The following LRP1B variants were observed in gnomAD, a reference collection of about 807,000 sequenced individuals.
LRP1B encodes the protein low-density lipoprotein receptor-related protein 1B.
Under a neutral mutation model 556.6 loss-of-function variants are expected in LRP1B, and 217 were observed. The observed-to-expected ratio is 0.39, with a 90% CI of 0.35 to 0.44. LRP1B has a LOEUF of 0.44. Ranked by LOEUF, LRP1B falls within the 20% of genes least tolerant of loss-of-function variation. The pLI is 1.00. For synonymous variants in LRP1B, 2,047 were observed against 1,865.8 expected (o/e 1.10, Z -2.50); for missense variants, 5,053 against 5,620.8 (o/e 0.90, Z 3.23).
At position 141,894,344 on chromosome 2, in the gene LRP1B, C is replaced by T. The variant is rs78002843; in HGVS notation, c.83-83943G>A. Among the ~76,000 whole-genome samples, 420 of 151,816 alleles carry T rather than the reference C, an allele frequency of 2.8e-3. 1 individual carries two copies. The highest frequency in any genetic ancestry group is 9.4e-3 in the African/African-American group (389 of 41,442). ...AAAAATTTTCCCTCCCTCCCTCCTTCCCTCCCTTTCTTCCTGCCTGCCCTA... is the reference window on the plus strand; with the variant it reads ...AAAAATTTTCCCTCCCTCCCTCCTTTCCTCCCTTTCTTCCTGCCTGCCCTA... On this transcript the variant is annotated intron_variant, in intron 1 of 90. Coordinates refer to ENST00000389484, the MANE Select transcript of LRP1B (RefSeq NM_018557.3).
At chr2:140,697,413 T>C (rs1686469745) in intron 41 of LRP1B, among the ~76,000 whole-genome samples, 1 of 151,900 alleles carries the variant, frequency 6.6e-6, no homozygotes, top group Non-Finnish European at 1.5e-5. Flanking sequence ...TATATGAATA[T>C]ATATATACAT....
intron 77 of LRP1B, among the ~76,000 whole-genome samples, chr2:140,342,310 A>G (rs940337762): frequency 6.6e-6 from 1 of 151,360 alleles, no homozygotes; most frequent in Non-Finnish European, 1.5e-5. Flanking sequence ...CTATGGTTAT[A>G]AAAATATTTA....
At chr2:140,779,210 A>G (rs13030528) in intron 32 of LRP1B, among the ~76,000 whole-genome samples, 49,809 of 151,844 alleles carry the variant, frequency 0.33, 8,199 homozygotes, top group African/African-American at 0.36. Context: ...CTTAAAAAAA[A>G]TCTTTTTTAA....
chr2:140,568,194 A>G (rs1442344619), intron 43 of LRP1B, among the ~76,000 whole-genome samples: 1 of 58,096 alleles, frequency 1.7e-5, no homozygotes, highest in African/African-American at 4.6e-5. Flanking sequence ...ATAATGCACC[A>G]TGGTCCAAAA....
At chr2:142,052,138 G>A (rs181902771) in intron 1 of LRP1B, among the ~76,000 whole-genome samples, 1 of 151,814 alleles carries the variant, frequency 6.6e-6, no homozygotes, top group East Asian at 1.9e-4. Flanking sequence ...CAGAGAACCA[G>A]TTTTCTGAAA....
chr2:141,532,596 G>T (rs1684926077), intron 2 of LRP1B, among the ~76,000 whole-genome samples: 1 of 151,796 alleles, frequency 6.6e-6, no homozygotes, highest in Non-Finnish European at 1.5e-5. Context: ...TACAAGGATG[G>T]GTTGTTCATA....
At chr2:140,821,199 G>C (rs1162344934) in intron 31 of LRP1B, among the ~76,000 whole-genome samples, 4 of 151,956 alleles carry the variant, frequency 2.6e-5, no homozygotes, top group Non-Finnish European at 4.4e-5. Flanking sequence ...TTTGTTTTTA[G>C]GGTCTAGTAC....
intron 3 of LRP1B, among the ~76,000 whole-genome samples, chr2:141,469,170 T>C (rs1682358957): frequency 6.6e-6 from 1 of 152,206 alleles, no homozygotes; most frequent in Non-Finnish European, 1.5e-5. Flanking sequence ...TAAATTCAAA[T>C]ATGCAAATGT....
chr2:141,388,054 T>C (rs1231673430), intron 3 of LRP1B, among the ~76,000 whole-genome samples: 6 of 152,188 alleles, frequency 3.9e-5, no homozygotes, highest in Non-Finnish European at 7.3e-5. Flanking sequence ...TTTATTAATA[T>C]ATATTACTAA....
At chr2:142,122,176 G>C (rs1345712233) in intron 1 of LRP1B, among the ~76,000 whole-genome samples, 1 of 151,998 alleles carries the variant, frequency 6.6e-6, no homozygotes, top group Non-Finnish European at 1.5e-5. Flanking sequence ...TACACACAAG[G>C]TAAAACCCTC....
At chr2:142,104,122 G>GAC (rs1172930563) in intron 1 of LRP1B, among the ~76,000 whole-genome samples, 2 of 152,088 alleles carry the variant, frequency 1.3e-5, no homozygotes, top group Non-Finnish European at 2.9e-5. Flanking sequence ...GAAAAAAGAT[G>GAC]ACACACACCT....
chr2:140,268,381 C>T (rs1682304290), intron 86 of LRP1B, among the ~76,000 whole-genome samples: 1 of 152,052 alleles, frequency 6.6e-6, no homozygotes. Context: ...ATCACCTTCA[C>T]AACAAAACTC....
intron 41 of LRP1B, among the ~76,000 whole-genome samples, chr2:140,623,761 A>C (rs908055213): frequency 2.6e-5 from 4 of 151,634 alleles, no homozygotes; most frequent in Non-Finnish European, 4.4e-5. Context: ...TCTTCTAAAA[A>C]TACAGAAATT....
chr2:141,012,926 C>T (rs1460961835), intron 14 of LRP1B, among the ~76,000 whole-genome samples: 9 of 151,820 alleles, frequency 5.9e-5, no homozygotes, highest in Non-Finnish European at 1.3e-4. Context: ...ATTTACTAAA[C>T]TGTTTTCTTC....
At chr2:140,545,926 C>T (rs1320379395) in intron 43 of LRP1B, among the ~76,000 whole-genome samples, 10 of 151,408 alleles carry the variant, frequency 6.6e-5, no homozygotes, top group African/African-American at 1.9e-4. Context: ...GTGTCACCTC[C>T]GACTTCATTG....
At chr2:140,847,756 C>T (rs551185594) in intron 29 of LRP1B, among the ~76,000 whole-genome samples, 1 of 110,300 alleles carries the variant, frequency 9.1e-6, no homozygotes, top group African/African-American at 3.3e-5. Context: ...CAGAGTGAGA[C>T]TGCATCTAAA....
chr2:141,039,980 C>T (rs1454529125), intron 11 of LRP1B, among the ~76,000 whole-genome samples: 1 of 152,060 alleles, frequency 6.6e-6, no homozygotes, highest in Non-Finnish European at 1.5e-5. Context: ...ATGAAAATGT[C>T]TTATTCACTG....
At chr2:140,979,518 C>T (rs2105339830) in intron 18 of LRP1B, among the ~76,000 whole-genome samples, 1 of 152,208 alleles carries the variant, frequency 6.6e-6, no homozygotes, top group African/African-American at 2.4e-5. Context: ...TACTGCATAT[C>T]ATCCTAATTC....
chr2:140,273,526 C>T (rs1682551763), intron 85 of LRP1B, among the ~76,000 whole-genome samples: 1 of 151,970 alleles, frequency 6.6e-6, no homozygotes, highest in African/African-American at 2.4e-5. Flanking sequence ...TGTTGATGCT[C>T]TTTGCAATCA....
Sources: gnomAD v4.1 joint callset for allele counts (sites outside exome capture counted in the v4.1 genomes callset) on GRCh38, gnomAD v4.1.1 for gene constraint, MANE v1.5 for transcripts, NCBI Gene and HGNC (gene_info 2026-07-23, HGNC 2026-07-21) for gene names.